Variants in EXT1 observed in about 807,000 individuals in gnomAD.
EXT1 encodes exostosin-1.
EXT1 carries 20 observed loss-of-function variants against 82.5 expected under a neutral mutation model. That is an observed-to-expected ratio of 0.24 (90% CI 0.17 to 0.35). The LOEUF (loss-of-function observed/expected upper bound fraction) is 0.35. EXT1 is among the 10% of genes least tolerant of loss of function. The pLI is 1.00. For missense variants in EXT1, 757 were observed against 936.5 expected, an observed-to-expected ratio of 0.81 and a Z score of 2.50; for synonymous variants, 348 against 350.8, an observed-to-expected ratio of 0.99 and a Z score of 0.09.
At chr8:117,941,129 C>A (rs1283113771) in intron 1 of EXT1, among the ~76,000 whole-genome samples, 2 of 152,218 alleles carry the variant, frequency 1.3e-5, no homozygotes, top group African/African-American at 4.8e-5. Flanking sequence ...GCATGAGAAA[C>A]CCCGTCTCGG....
At chr8:117,859,851 T>C (rs1219423015) in intron 1 of EXT1, among the ~76,000 whole-genome samples, 4 of 151,942 alleles carry the variant, frequency 2.6e-5, no homozygotes, top group East Asian at 3.9e-4. Flanking sequence ...TGCACACACA[T>C]AGAATGAAAA....
At chr8:118,078,743 T>C (rs17506037) in intron 1 of EXT1, among the ~76,000 whole-genome samples, 3,519 of 152,060 alleles carry the variant, frequency 0.023, 138 homozygotes, top group African/African-American at 0.081. Flanking sequence ...AATAGGGAAA[T>C]ATGAGTCATA....
chr8:117,864,748 C>CAAA (rs34215192), intron 1 of EXT1, among the ~76,000 whole-genome samples: 3 of 88,014 alleles, frequency 3.4e-5, no homozygotes, highest in African/African-American at 1.0e-4. Context: ...GACTCTGCCT[C>CAAA]AAAAAAAAAA....
At position 117,838,323 on chromosome 8, in the gene EXT1, T is replaced by C. The variant is rs575550390; in HGVS notation, c.963-1122A>G. ...CCTAAAGGCACTGAATTCTTCCCTC[T>C]TCTTTTTGGGTATATTGGTATATAC... is the stretch of plus-strand genomic sequence containing the variant. On this transcript the variant is annotated intron_variant, in intron 1 of 10. Transcript: ENST00000378204. 1.9e-4 allele frequency among the ~76,000 whole-genome samples: 29 copies of C among 152,322 alleles called. No homozygotes were observed. In the South Asian group the frequency reaches 5.0e-3, roughly 26 times the overall value.
intron 4 of EXT1, among the ~76,000 whole-genome samples, chr8:117,828,977 G>C (rs1228876899): frequency 6.6e-6 from 1 of 152,052 alleles, no homozygotes; most frequent in Non-Finnish European, 1.5e-5. Flanking sequence ...GACCAAGTAG[G>C]GTGACTTCAG....
In EXT1 at chr8:118,010,371, C is replaced by CAAAA. The variant is rs56865464; in HGVS notation, c.962+99710_962+99713dup. Among the ~76,000 whole-genome samples, 64 of 55,986 alleles carry CAAAA rather than the reference C, an allele frequency of 1.1e-3. 1 individual carries two copies. Among genetic ancestry groups the CAAAA allele is most frequent in the African/African-American group, 3.6e-3 (64 of 18,020 alleles). The allele number at this position is 55,986 out of a possible 152,430, so 36.7% of individuals were successfully genotyped here. A position where few individuals can be genotyped will look rare whatever the true frequency, so the allele number is the denominator to read the frequency against. ...TGAGCGACAGAGGGAGACTCCGTCT[C>CAAAA]AAAAAAAAAAAAAAAAAAAAGTATA... On this transcript the variant is annotated intron_variant, in intron 1 of 10. Coordinates refer to ENST00000378204, the MANE Select transcript of EXT1 (RefSeq NM_000127.3).
chr8:118,099,303 C>T (rs1817674978), intron 1 of EXT1, among the ~76,000 whole-genome samples: 1 of 152,166 alleles, frequency 6.6e-6, no homozygotes, highest in Non-Finnish European at 1.5e-5. Flanking sequence ...ATTTCCTGGC[C>T]CACTTCCTTA....
At chr8:117,848,728 A>G (rs551101614) in intron 1 of EXT1, among the ~76,000 whole-genome samples, 1 of 152,082 alleles carries the variant, frequency 6.6e-6, no homozygotes, top group Non-Finnish European at 1.5e-5. Context: ...CCTTCTTCCT[A>G]TACCTCCTTA....
intron 4 of EXT1, 41 bp downstream of exon 4, chr8:117,830,189 G>A (rs780834001): frequency 1.0e-4 from 163 of 1,612,896 alleles, no homozygotes; most frequent in Non-Finnish European, 1.2e-4. Flanking sequence ...AGTGTATAAA[G>A]GACCATTATT....
chr8:118,111,408 G>A lies in EXT1; in HGVS notation c.-362C>T. 1.8e-6 allele frequency: 1 copy of A among 552,526 alleles called. No individual in the cohort carries two copies. The allele number at this position is 552,526 out of a possible 1,614,324, so 34.2% of individuals were successfully genotyped here. A position where few individuals can be genotyped will look rare whatever the true frequency, so the allele number is the denominator to read the frequency against. On this transcript the variant is annotated 5_prime_UTR_variant, in exon 1 of 11. Coordinates refer to ENST00000378204, the MANE Select transcript of EXT1 (RefSeq NM_000127.3). Reference sequence around the variant, plus strand: ...AAAAGCTCCCGATACCCAATCAATGGCAAGACGAAGTGATTGCCTTGCCTC... The same window carrying A: ...AAAAGCTCCCGATACCCAATCAATGACAAGACGAAGTGATTGCCTTGCCTC...
In EXT1 at chr8:117,980,701, T is replaced by TG. The variant is rs1563619784; in HGVS notation, c.962+129383_962+129384insC. On this transcript the variant is annotated intron_variant, in intron 1 of 10. Transcript: ENST00000378204. The stretch of plus-strand genomic sequence containing the variant: ...TTTGTTTGTTCGGGTGTTGGTGGTT[T>TG]TTTTTTTTTTTTTTTTTTTTTTTTT... Among the ~76,000 whole-genome samples the TG allele has an allele frequency of 2.5e-4, 5 of 19,914 alleles. 1 individual carries two copies. The highest frequency in any genetic ancestry group is 2.6e-3 in the East Asian group (2 of 782). 13.1% of individuals were successfully genotyped at this position (19,914 alleles called of 152,430 possible).
At chr8:118,062,431 A>G (rs1254673274) in intron 1 of EXT1, among the ~76,000 whole-genome samples, 1 of 152,200 alleles carries the variant, frequency 6.6e-6, no homozygotes, top group Non-Finnish European at 1.5e-5. Context: ...CAGGAAGCAG[A>G]GGAGAAACTA....
intron 1 of EXT1, among the ~76,000 whole-genome samples, chr8:117,887,853 A>C (rs1027717948): frequency 1.3e-5 from 2 of 151,846 alleles, no homozygotes; most frequent in Non-Finnish European, 2.9e-5. Flanking sequence ...TGGGAGTCTG[A>C]GGCGGGCGTA....
In EXT1 at chr8:117,794,836, G is replaced by GT. The variant is rs1237587261; in HGVS notation, c.*4875dup. 2 of 152,132 alleles carry GT rather than the reference G, an allele frequency of 1.3e-5. No individual in the cohort carries two copies. The highest frequency in any genetic ancestry group is 4.8e-5 in the African/African-American group (2 of 41,422). The allele number at this position is 152,132 out of a possible 1,614,324, so 9.4% of individuals were successfully genotyped here. On this transcript the variant is annotated 3_prime_UTR_variant, in exon 11 of 11. Transcript: ENST00000378204. ...CGTATACAAAATAAGGTATACTTTT[G>GT]TTTTTTGCGTTACAATTTGCCACCT...
intron 1 of EXT1, among the ~76,000 whole-genome samples, chr8:117,897,591 C>CTTTTTTTTTTTTTTTTTTTTTTTT (rs34963536): frequency 8.8e-5 from 8 of 90,656 alleles, no homozygotes; most frequent in African/African-American, 3.5e-4. Context: ...CTTCTTTTCT[C>CTTTTTTTTTTTTTTTTTTTTTTTT]TTTTTTTTTT....
chr8:118,111,097 G>A lies in EXT1; in HGVS notation c.-51C>T. The A allele has an allele frequency of 6.5e-7, 1 of 1,542,168 alleles. No homozygotes were observed. Among genetic ancestry groups the A allele is most frequent in the Non-Finnish European group, 8.7e-7 (1 of 1,149,908 alleles). ...GTAAATAAACACAAGAATCACCCAA[G>A]TTTCCCAATCAACACTTTCAGCTCC... On this transcript the variant is annotated 5_prime_UTR_variant, in exon 1 of 11. Coordinates refer to ENST00000378204, the MANE Select transcript of EXT1 (RefSeq NM_000127.3).
intron 1 of EXT1, among the ~76,000 whole-genome samples, chr8:117,968,949 A>T (rs1814885057): frequency 6.6e-6 from 1 of 152,174 alleles, no homozygotes; most frequent in Non-Finnish European, 1.5e-5. Context: ...TGATGTCCAA[A>T]CTGTTTATTA....
At chr8:117,847,291 T>A (rs185048685) in intron 1 of EXT1, among the ~76,000 whole-genome samples, 1 of 152,320 alleles carries the variant, frequency 6.6e-6, no homozygotes, top group East Asian at 1.9e-4. Flanking sequence ...CTTCCAAGAA[T>A]GAGTTCATTC....
intron 1 of EXT1, among the ~76,000 whole-genome samples, chr8:117,935,600 A>G (rs560737026): frequency 1.3e-5 from 2 of 152,070 alleles, no homozygotes; most frequent in East Asian, 3.9e-4. Flanking sequence ...GGCTCCAACA[A>G]TCCTATTGCC....
Sources: allele counts gnomAD v4.1 joint callset (sites outside exome capture counted in the v4.1 genomes callset), GRCh38; gene constraint gnomAD v4.1.1; transcripts MANE v1.5; gene names NCBI Gene and HGNC (gene_info 2026-07-23, HGNC 2026-07-21).